PRKCA: variants seen among roughly 807,000 people sequenced by gnomAD.
PRKCA encodes the protein protein kinase C alpha type.
Under a neutral mutation model 87.0 loss-of-function variants are expected in PRKCA, and 27 were observed. The ratio of observed to expected loss-of-function variants is 0.31; its 90% CI spans 0.23 to 0.43. The LOEUF (loss-of-function observed/expected upper bound fraction) is 0.43, where lower values mean the gene tolerates loss of function less well. Among genes scored for constraint, PRKCA ranks in the 20% least tolerant of loss-of-function variants. PRKCA has a pLI of 1.00. For synonymous variants in PRKCA, 329 were observed against 311.1 expected (o/e 1.06, Z -0.61); for missense variants, 518 against 852.3 (o/e 0.61, Z 4.88).
intron 13 of PRKCA, among the ~76,000 whole-genome samples, chr17:66,746,869 G>A (rs1018766510): frequency 2.6e-4 from 39 of 152,114 alleles, no homozygotes; most frequent in Non-Finnish European, 5.3e-4. Context: ...CTGAAACTTA[G>A]TTATTCTGGG....
intron 8 of PRKCA, among the ~76,000 whole-genome samples, chr17:66,694,543 G>A (rs1972871488): frequency 7.3e-6 from 1 of 136,148 alleles, no homozygotes; most frequent in South Asian, 2.4e-4. Context: ...ATCAACACAA[G>A]TATAATCATA....
At chr17:66,607,540 C>T (rs1970245586) in intron 3 of PRKCA, among the ~76,000 whole-genome samples, 1 of 152,190 alleles carries the variant, frequency 6.6e-6, no homozygotes, top group Non-Finnish European at 1.5e-5. Context: ...TCATTTTCTC[C>T]TCCCTTATGT....
At chr17:66,321,534 T>C (rs1905658814) in intron 2 of PRKCA, among the ~76,000 whole-genome samples, 1 of 152,220 alleles carries the variant, frequency 6.6e-6, no homozygotes, top group African/African-American at 2.4e-5. Context: ...CCTTTTCAAA[T>C]AATTTAGCTC....
chr17:66,744,480 C>A (rs1974229607), intron 13 of PRKCA, among the ~76,000 whole-genome samples: 1 of 152,050 alleles, frequency 6.6e-6, no homozygotes, highest in East Asian at 1.9e-4. Context: ...TGGCATTGAA[C>A]CTCATCTCTA....
intron 5 of PRKCA, among the ~76,000 whole-genome samples, chr17:66,672,366 A>G (rs1322080667): frequency 1.3e-5 from 2 of 152,194 alleles, no homozygotes; most frequent in Non-Finnish European, 2.9e-5. Flanking sequence ...ATTTAACCTC[A>G]AAAATAAGAA....
chr17:66,751,100 C>G (rs1275208534), intron 13 of PRKCA, among the ~76,000 whole-genome samples: 1 of 152,220 alleles, frequency 6.6e-6, no homozygotes, highest in Non-Finnish European at 1.5e-5. Flanking sequence ...AAAAGTGGGT[C>G]AGAGATTTCT....
At chr17:66,509,452 A>G (rs1392876673) in intron 3 of PRKCA, among the ~76,000 whole-genome samples, 1 of 152,138 alleles carries the variant, frequency 6.6e-6, no homozygotes, top group East Asian at 1.9e-4. Context: ...GTCCAAGAGC[A>G]AGAAAAAGCT....
chr17:66,697,669 T>A (rs1256719537), intron 8 of PRKCA, among the ~76,000 whole-genome samples: 2 of 152,092 alleles, frequency 1.3e-5, no homozygotes, highest in Admixed American at 6.6e-5. Context: ...GGCTGAGAGA[T>A]TGGGAGAGGC....
At chr17:66,767,927 G>T (rs149576936) in intron 13 of PRKCA, among the ~76,000 whole-genome samples, 17 of 152,232 alleles carry the variant, frequency 1.1e-4, no homozygotes, top group African/African-American at 3.6e-4. Context: ...ATGGCAATAT[G>T]ATAGCCTATT....
intron 3 of PRKCA, among the ~76,000 whole-genome samples, chr17:66,536,717 T>C (rs369155121): frequency 1.6e-4 from 24 of 152,214 alleles, no homozygotes; most frequent in African/African-American, 5.5e-4. Context: ...TAAGGAGAGC[T>C]AACGAGACAG....
chr17:66,562,138 TA>T (rs1193600283), intron 3 of PRKCA, among the ~76,000 whole-genome samples: 1 of 17,450 alleles, frequency 5.7e-5, no homozygotes, highest in African/African-American at 4.3e-4. Flanking sequence ...ATAATTAAAT[TA>T]TATATATAAT....
rs182535313 is a variant in PRKCA, at chr17:66,546,566, A to G, written c.288+50283A>G. 7.2e-5 allele frequency among the ~76,000 whole-genome samples: 11 copies of G among 152,276 alleles called. No homozygotes were observed. In the East Asian group the frequency reaches 1.4e-3, roughly 19 times the overall value. ...CTCCAGTTTCCGCCTCTGTGTTCAC[A>G]TGGCCATCTTCCCTCTGTGTGTGCC... is the stretch of plus-strand genomic sequence containing the variant. On this transcript the variant is annotated intron_variant, in intron 3 of 16. Transcript: ENST00000413366.
intron 13 of PRKCA, among the ~76,000 whole-genome samples, chr17:66,762,461 A>G (rs1285751582): frequency 5.3e-5 from 8 of 152,192 alleles, no homozygotes; most frequent in Non-Finnish European, 1.2e-4. Context: ...CCAAAGTCAC[A>G]CAGCTCCTGG....
intron 3 of PRKCA, among the ~76,000 whole-genome samples, chr17:66,566,472 G>GTTGTTTTTTTTT (rs1968891899): frequency 4.5e-5 from 3 of 66,168 alleles, no homozygotes; most frequent in African/African-American, 1.9e-4. Context: ...AACTGTTGTT[G>GTTGTTTTTTTTT]TTTTTTGGTT....
intron 2 of PRKCA, among the ~76,000 whole-genome samples, chr17:66,313,250 A>C (rs1905161431): frequency 6.6e-6 from 1 of 152,236 alleles, no homozygotes; most frequent in South Asian, 2.1e-4. Flanking sequence ...CAGAAAGATC[A>C]CAGTGACTTC....
At chr17:66,698,940 ACT>A (rs919124956) in intron 8 of PRKCA, among the ~76,000 whole-genome samples, 2 of 151,958 alleles carry the variant, frequency 1.3e-5, no homozygotes, top group African/African-American at 4.8e-5. Flanking sequence ...AGATTTTGCC[ACT>A]GCACTCCAGC....
intron 2 of PRKCA, among the ~76,000 whole-genome samples, chr17:66,466,727 T>A (rs1915102162): frequency 6.6e-6 from 1 of 152,192 alleles, no homozygotes; most frequent in African/African-American, 2.4e-5. Context: ...CAGCTTTTAA[T>A]AAAATTGACT....
intron 3 of PRKCA, among the ~76,000 whole-genome samples, chr17:66,626,572 A>G (rs147366095): frequency 0.029 from 4,304 of 147,258 alleles, 191 homozygotes; most frequent in African/African-American, 0.1. Flanking sequence ...GGGTTTCACC[A>G]TGTTAGCCAG....
intron 3 of PRKCA, among the ~76,000 whole-genome samples, chr17:66,582,647 A>G (rs555367577): frequency 3.5e-4 from 53 of 152,188 alleles, no homozygotes; most frequent in Non-Finnish European, 6.8e-4. Flanking sequence ...ACATTGCCCC[A>G]TCTTGGGTAT....
Sources: gnomAD v4.1 joint callset for allele counts (sites outside exome capture counted in the v4.1 genomes callset) on GRCh38, gnomAD v4.1.1 for gene constraint, MANE v1.5 for transcripts, NCBI Gene and HGNC (gene_info 2026-07-23, HGNC 2026-07-21) for gene names.